MAP3K21: variants seen among roughly 807,000 people sequenced by gnomAD.
The protein encoded by MAP3K21 is mitogen-activated protein kinase kinase kinase 21, also known as mitogen-activated protein kinase kinase kinase MLK4.
Under a neutral mutation model 86.1 loss-of-function variants are expected in MAP3K21, and 63 were observed. The observed-to-expected ratio is 0.73, with a 90% CI of 0.60 to 0.90. MAP3K21 has a LOEUF of 0.90. Ranked by LOEUF, MAP3K21 falls within the 40% of genes least tolerant of loss-of-function variation. The pLI is 0.00. For missense variants in MAP3K21, 1,220 were observed against 1,367.7 expected (o/e 0.89, Z 1.70); for synonymous variants, 558 against 564.8 (o/e 0.99, Z 0.17).
intron 9 of MAP3K21, among the ~76,000 whole-genome samples, chr1:233,380,118 T>C (rs1301445884): frequency 6.6e-6 from 1 of 152,156 alleles, no homozygotes; most frequent in Non-Finnish European, 1.5e-5. Flanking sequence ...TCTGTTTCTG[T>C]TGGGACTGTG....
At chr1:233,330,978 A>G (rs1020988662) in intron 1 of MAP3K21, among the ~76,000 whole-genome samples, 2 of 152,220 alleles carry the variant, frequency 1.3e-5, no homozygotes, top group African/African-American at 4.8e-5. Flanking sequence ...TTTATAAAAT[A>G]TAAATGTTTA....
In MAP3K21 at chr1:233,379,721, T is replaced by C; in HGVS notation, c.2704+11T>C. On this transcript the variant is annotated intron_variant, in intron 9 of 9. Coordinates refer to ENST00000366624, the MANE Select transcript of MAP3K21 (RefSeq NM_032435.3). ...GAAATCCGACCCCAAGTAGGTTGCATTAATTAGGTAAAAGCATAAAACACT... is the reference window on the plus strand; with the variant it reads ...GAAATCCGACCCCAAGTAGGTTGCACTAATTAGGTAAAAGCATAAAACACT... 6.3e-7 allele frequency: 1 copy of C among 1,597,028 alleles called. No homozygotes were observed.
At position 233,382,308 on chromosome 1, in the gene MAP3K21, G is replaced by T; in HGVS notation, c.2708G>T (p.Gly903Val). ...CTGTTTTGGCTTTCTCAACCAGCTG[G>T]TGCAACTATTATCTCAGCCACTGGA... is the stretch of plus-strand genomic sequence containing the variant. Reference protein sequence around the residue: ...TMSDGNPTPTGATIISATGAS... With the variant: ...TMSDGNPTPTVATIISATGAS... The change falls in exon 10 of 10, where the codon GGT becomes GTT. Residue 903 changes from glycine to valine, a missense_variant. Transcript: ENST00000366624. 6.2e-7 allele frequency: 1 copy of T among 1,608,058 alleles called. No individual in the cohort carries two copies. The highest frequency in any genetic ancestry group is 8.5e-7 in the Non-Finnish European group (1 of 1,175,270).
At chr1:233,358,751 A>C (rs1218083157) in intron 4 of MAP3K21, among the ~76,000 whole-genome samples, 1 of 151,880 alleles carries the variant, frequency 6.6e-6, no homozygotes, top group African/African-American at 2.4e-5. Flanking sequence ...GCTATGACTA[A>C]ACTGCTGCAC....
intron 4 of MAP3K21, among the ~76,000 whole-genome samples, chr1:233,355,960 C>T (rs1450099050): frequency 6.6e-6 from 1 of 152,158 alleles, no homozygotes; most frequent in Non-Finnish European, 1.5e-5. Context: ...CACTCCCTTT[C>T]TCCTCACATA....
rs369901040 is a variant in MAP3K21 at position 233,346,462 on chromosome 1, G to T, written c.826G>T (p.Glu276Ter). The T allele has an allele frequency of 1.2e-6, 2 of 1,610,230 alleles. No homozygotes were observed. The highest frequency in any genetic ancestry group is 1.3e-5 in the African/African-American group (1 of 74,866). Residue 276 changes from glutamate to a stop codon, truncating the protein, a stop_gained, in exon 2 of 10, where the codon GAA (glutamate) becomes TAA (stop). Coordinates refer to ENST00000366624, the MANE Select transcript of MAP3K21 (RefSeq NM_032435.3). LOFTEE classifies it high-confidence loss of function. ...TTTAGTTTTGCTACTTGAGAAGATA[G>T]AACATGATGACATCTGCAATAAAAC... ...SSNILLLEKI[E>*]HDDICNKTLK... is the part of the protein sequence containing the mutation.
intron 1 of MAP3K21, among the ~76,000 whole-genome samples, chr1:233,342,051 G>A (rs1663047585): frequency 6.6e-6 from 1 of 151,916 alleles, no homozygotes; most frequent in African/African-American, 2.4e-5. Context: ...GTTTCAGTAT[G>A]TAGGGTTTAA....
chr1:233,340,861 T>G (rs2102761199), intron 1 of MAP3K21, among the ~76,000 whole-genome samples: 1 of 152,348 alleles, frequency 6.6e-6, no homozygotes, highest in African/African-American at 2.4e-5. Context: ...AGTTAAAGAT[T>G]AATCGAAACT....
At chr1:233,351,595 G>A (rs1245374496) in intron 2 of MAP3K21, among the ~76,000 whole-genome samples, 3 of 151,942 alleles carry the variant, frequency 2.0e-5, no homozygotes, top group Non-Finnish European at 4.4e-5. Flanking sequence ...TCAGGAGGCT[G>A]AGGCAGGAGA....
At chr1:233,361,485 T>G (rs1663464638) in intron 4 of MAP3K21, among the ~76,000 whole-genome samples, 1 of 152,208 alleles carries the variant, frequency 6.6e-6, no homozygotes, top group South Asian at 2.1e-4. Flanking sequence ...CCTAACACCT[T>G]AGCTTGATTT....
chr1:233,371,988 A>C (rs1433308717), intron 5 of MAP3K21, 50 bp from the exon 6 acceptor site: 1 of 1,586,086 alleles, frequency 6.3e-7, no homozygotes, highest in South Asian at 1.2e-5. Flanking sequence ...ATGGCTATGA[A>C]GATAAAGGAA....
At chr1:233,344,671 G>A (rs1335913262) in intron 1 of MAP3K21, among the ~76,000 whole-genome samples, 1 of 152,138 alleles carries the variant, frequency 6.6e-6, no homozygotes, top group Non-Finnish European at 1.5e-5. Context: ...ATAGGCATGG[G>A]CAAGGACTTC....
At chr1:233,364,783 C>T (rs1320838770) in intron 5 of MAP3K21, among the ~76,000 whole-genome samples, 3 of 151,810 alleles carry the variant, frequency 2.0e-5, no homozygotes, top group African/African-American at 7.3e-5. Flanking sequence ...ATGAAAGATT[C>T]CAGTTAAAAC....
chr1:233,352,815 C>T lies in MAP3K21; in HGVS notation c.987-992C>T, dbSNP rs535453319. Among the ~76,000 whole-genome samples the T allele has an allele frequency of 2.0e-3, 306 of 152,282 alleles. 1 individual carries two copies. The highest frequency in any genetic ancestry group is 3.3e-3 in the Non-Finnish European group (227 of 68,022). On this transcript the variant is annotated intron_variant, in intron 2 of 9. Transcript: ENST00000366624. ...CAAGTGAATCATCTGGAGTGACTCTCATTCTTTAAATTTACTTAACAAAAG... is the reference window on the plus strand; with the variant it reads ...CAAGTGAATCATCTGGAGTGACTCTTATTCTTTAAATTTACTTAACAAAAG...
At chr1:233,347,757 G>A (rs557216720) in intron 2 of MAP3K21, among the ~76,000 whole-genome samples, 1 of 152,246 alleles carries the variant, frequency 6.6e-6, no homozygotes, top group East Asian at 1.9e-4. Flanking sequence ...CGGGGAAAGG[G>A]CTGAAAAAGT....
rs1396124693 is a variant in MAP3K21 at position 233,328,217 on chromosome 1, GC to G, written c.190del (p.Leu64TrpfsTer63). The stretch of plus-strand genomic sequence containing the variant: ...ACGAGCTGAGCCTGCGGCGCGGCCA[GC>G]TGGTGGAGGTGCTGTCGCAGGACGC... ...EDELSLRRGQLVEVLSQDAAV... is the reference protein window; with the variant it reads ...EDELSLRRGQXVEVLSQDAAV... On this transcript the variant is annotated frameshift_variant, in exon 1 of 10. Transcript: ENST00000366624. LOFTEE classifies it high-confidence loss of function. This position sits in a 1 kb window ranked among gnomAD's most constrained non-coding sequence, Gnocchi z 8.7. The G allele has an allele frequency of 6.7e-7, 1 of 1,489,320 alleles. No homozygotes were observed. Among genetic ancestry groups the G allele is most frequent in the Admixed American group, 2.2e-5 (1 of 44,638 alleles). The allele number at this position is 1,489,320 out of a possible 1,614,324, so 92.3% of individuals were successfully genotyped here.
chr1:233,358,058 G>GTT (rs1558457812), intron 4 of MAP3K21, among the ~76,000 whole-genome samples: 3 of 146,518 alleles, frequency 2.0e-5, no homozygotes, highest in Non-Finnish European at 4.5e-5. Flanking sequence ...GTGCCTGATG[G>GTT]GTTTTTTTTT....
intron 1 of MAP3K21, among the ~76,000 whole-genome samples, chr1:233,337,219 A>G (rs202219484): frequency 6.7e-6 from 1 of 148,536 alleles, no homozygotes; most frequent in African/African-American, 2.5e-5. Flanking sequence ...GCCAAAAAAA[A>G]TCCTTGACAA....
intron 5 of MAP3K21, 144 bp from the exon 6 acceptor site, chr1:233,371,894 A>C (rs769298398): frequency 1.9e-5 from 15 of 772,638 alleles, no homozygotes; most frequent in Non-Finnish European, 2.8e-5. Context: ...GAGAAGTAAG[A>C]AACCAAAATA....
Sources: gnomAD v4.1 joint callset for allele counts (sites outside exome capture counted in the v4.1 genomes callset) on GRCh38, gnomAD v4.1.1 for gene constraint, Gnocchi (gnomAD v3.1) non-coding constraint, MANE v1.5 for transcripts, NCBI Gene and HGNC (gene_info 2026-07-23, HGNC 2026-07-21) for gene names.